The following SNTG1 variants were observed in gnomAD, a reference collection of about 807,000 sequenced individuals.
The protein encoded by SNTG1 is gamma-1-syntrophin.
A neutral mutation model predicts 74.7 loss-of-function variants in SNTG1; 39 were observed. The observed-to-expected ratio is 0.52, with a 90% confidence interval of 0.40 to 0.68. SNTG1 has a LOEUF of 0.68. SNTG1 is among the 30% of genes least tolerant of loss of function. The pLI is 0.00. For missense variants in SNTG1, 685 were observed against 609.5 expected, an observed-to-expected ratio of 1.12 and a Z score of -1.30; for synonymous variants, 254 against 217.1, an observed-to-expected ratio of 1.17 and a Z score of -1.49.
At position 50,672,903 on chromosome 8, in the gene SNTG1, A is replaced by G. The variant is rs578259247; in HGVS notation, c.1038+14240A>G. ...GTAGTCCAGTTTCACTTTTCTGCAA[A>G]TGGCTCACCAGTTTTCCCAGCATCA... On this transcript the variant is annotated intron_variant, in intron 15 of 18. Transcript: ENST00000642720. 1.1e-4 allele frequency among the ~76,000 whole-genome samples: 16 copies of G among 152,282 alleles called. No homozygotes were observed. The South Asian group carries it at 2.9e-3, about 28-fold the overall frequency.
chr8:50,587,690 T>TG (rs1175193172), intron 12 of SNTG1, among the ~76,000 whole-genome samples: 1 of 150,004 alleles, frequency 6.7e-6, no homozygotes, highest in Non-Finnish European at 1.5e-5. Context: ...CTGGGTGTGG[T>TG]GGTGCACGCC....
intron 1 of SNTG1, among the ~76,000 whole-genome samples, chr8:49,990,491 A>G (rs982030300): frequency 2.6e-5 from 4 of 152,056 alleles, no homozygotes; most frequent in African/African-American, 9.7e-5. Flanking sequence ...TAAAAGAACA[A>G]TGTTAGAGGC....
chr8:50,384,482 T>TGGG lies in SNTG1; in HGVS notation c.-27-9730_-27-9729insGGG, dbSNP rs1377187771. Among the ~76,000 whole-genome samples the TGGG allele has an allele frequency of 5.1e-3, 784 of 152,304 alleles. 15 individuals carry two copies. The highest frequency in any genetic ancestry group is 0.018 in the African/African-American group (755 of 41,564). Reference sequence around the variant, plus strand: ...TCAATAAGCACAACATGCTGACCTTTCCATGATGTAAGTGTGGCCCAATAC... The same window carrying TGGG: ...TCAATAAGCACAACATGCTGACCTTTGGGCCATGATGTAAGTGTGGCCCAATAC... On this transcript the variant is annotated intron_variant, in intron 2 of 18. Transcript: ENST00000642720.
intron 2 of SNTG1, among the ~76,000 whole-genome samples, chr8:50,214,459 A>T (rs2084678897): frequency 6.6e-6 from 1 of 152,086 alleles, no homozygotes; most frequent in South Asian, 2.1e-4. Context: ...AAAATTTTAT[A>T]TTCTCTTTAT....
rs532650048 is a variant in SNTG1 at position 50,019,463 on chromosome 8, A to T, written c.-103+107232A>T. 1.3e-3 allele frequency among the ~76,000 whole-genome samples: 193 copies of T among 152,146 alleles called. 2 individuals carry two copies. The highest frequency in any genetic ancestry group is 4.4e-3 in the African/African-American group (181 of 41,534). On this transcript the variant is annotated intron_variant, in intron 1 of 18. Transcript: ENST00000642720. The stretch of plus-strand genomic sequence containing the variant: ...AGTGAAATCCAAAGAAGCTCTTTTT[A>T]CACTTCCCCCTTGTTCTTAATAAAG...
chr8:50,018,336 A>G lies in SNTG1; in HGVS notation c.-103+106105A>G, dbSNP rs187982858. On this transcript the variant is annotated intron_variant, in intron 1 of 18. Transcript: ENST00000642720. ...AGAAGTATAGATCACTTCAGAAGTA[A>G]GACTTTACATTTACACTCAACTAAT... Among the ~76,000 whole-genome samples the G allele has an allele frequency of 3.4e-3, 511 of 152,154 alleles. 5 individuals are homozygous for G. Among genetic ancestry groups the G allele is most frequent in the African/African-American group, 0.012 (485 of 41,554 alleles).
At chr8:49,980,250 A>G (rs1364447259) in intron 1 of SNTG1, among the ~76,000 whole-genome samples, 7 of 152,150 alleles carry the variant, frequency 4.6e-5, no homozygotes, top group Admixed American at 4.6e-4. Context: ...TATCTCTTCC[A>G]ATTTTTATTA....
chr8:50,289,547 T>A (rs749163497), intron 2 of SNTG1, among the ~76,000 whole-genome samples: 4 of 152,198 alleles, frequency 2.6e-5, no homozygotes, highest in South Asian at 2.1e-4. Flanking sequence ...TTGAAGTTCT[T>A]GCATTTTTAA....
At chr8:50,475,755 T>C (rs1014742825) in intron 8 of SNTG1, among the ~76,000 whole-genome samples, 1 of 152,186 alleles carries the variant, frequency 6.6e-6, no homozygotes, top group Non-Finnish European at 1.5e-5. Flanking sequence ...TTTAGAAGTT[T>C]GGAAAATCCC....
chr8:49,983,114 G>A (rs1048832436), intron 1 of SNTG1, among the ~76,000 whole-genome samples: 8 of 152,242 alleles, frequency 5.3e-5, no homozygotes, highest in South Asian at 4.1e-4. Context: ...TTCATGGACC[G>A]TAAAACCTCA....
At chr8:50,782,323 C>A (rs1164548752) in intron 18 of SNTG1, among the ~76,000 whole-genome samples, 1 of 152,202 alleles carries the variant, frequency 6.6e-6, no homozygotes, top group Non-Finnish European at 1.5e-5. Flanking sequence ...TCCATTCTCC[C>A]CGTCACTTTC....
chr8:50,536,373 T>C (rs1276907693), intron 10 of SNTG1, among the ~76,000 whole-genome samples: 1 of 152,210 alleles, frequency 6.6e-6, no homozygotes, highest in Non-Finnish European at 1.5e-5. Flanking sequence ...TTTCCATTCT[T>C]GAATAAATTA....
At chr8:50,138,870 A>G (rs2081567502) in intron 1 of SNTG1, among the ~76,000 whole-genome samples, 1 of 152,026 alleles carries the variant, frequency 6.6e-6, no homozygotes, top group African/African-American at 2.4e-5. Flanking sequence ...TAAAAACTAT[A>G]AGTTATGTTT....
At chr8:50,683,201 T>G (rs2095338103) in intron 15 of SNTG1, among the ~76,000 whole-genome samples, 1 of 152,152 alleles carries the variant, frequency 6.6e-6, no homozygotes, top group African/African-American at 2.4e-5. Context: ...CTATGGATAT[T>G]TCTGTAGCCC....
intron 1 of SNTG1, among the ~76,000 whole-genome samples, chr8:50,023,499 C>CAGTA (rs1430499298): frequency 6.6e-6 from 1 of 152,116 alleles, no homozygotes; most frequent in Non-Finnish European, 1.5e-5. Context: ...TTAAGGCGAT[C>CAGTA]AGTATGAGGT....
chr8:50,543,032 A>T (rs2094359655), intron 11 of SNTG1, among the ~76,000 whole-genome samples: 1 of 152,068 alleles, frequency 6.6e-6, no homozygotes, highest in Non-Finnish European at 1.5e-5. Context: ...CCCATTCTGT[A>T]GATTGTCTCT....
intron 2 of SNTG1, among the ~76,000 whole-genome samples, chr8:50,350,130 G>C (rs534433956): frequency 6.6e-6 from 1 of 152,156 alleles, no homozygotes; most frequent in Non-Finnish European, 1.5e-5. Flanking sequence ...TCGATTTCTC[G>C]CTGGTCCTTA....
chr8:50,463,903 C>A (rs2093588157), intron 8 of SNTG1, among the ~76,000 whole-genome samples: 2 of 152,144 alleles, frequency 1.3e-5, no homozygotes, highest in Non-Finnish European at 2.9e-5. Context: ...GGTGTAGTCA[C>A]CTTCATCATT....
intron 2 of SNTG1, among the ~76,000 whole-genome samples, chr8:50,330,099 A>G (rs1411933252): frequency 6.6e-6 from 1 of 152,122 alleles, no homozygotes; most frequent in African/African-American, 2.4e-5. Flanking sequence ...ATTTCATCCC[A>G]TAATCCCCAA....
Sources: gnomAD v4.1 joint callset for allele counts (sites outside exome capture counted in the v4.1 genomes callset) on GRCh38, gnomAD v4.1.1 for gene constraint, MANE v1.5 for transcripts, NCBI Gene and HGNC (gene_info 2026-07-23, HGNC 2026-07-21) for gene names.